Variants in TMEM132D observed in about 807,000 individuals in gnomAD.
TMEM132D encodes transmembrane protein 132D.
Under a neutral mutation model 62.3 loss-of-function variants are expected in TMEM132D, and 21 were observed. That is an observed-to-expected ratio of 0.34 (90% confidence interval 0.24 to 0.49). The LOEUF (loss-of-function observed/expected upper bound fraction) is 0.49. TMEM132D is among the 20% of genes least tolerant of loss of function. The pLI, the probability that TMEM132D is intolerant of heterozygous loss-of-function variation, is 0.99. For synonymous variants in TMEM132D, 621 were observed against 575.6 expected (o/e 1.08, Z -1.13); for missense variants, 1,346 against 1,402.8 (o/e 0.96, Z 0.65).
intron 3 of TMEM132D, among the ~76,000 whole-genome samples, chr12:129,444,408 A>G (rs1488231303): frequency 6.6e-6 from 1 of 152,176 alleles, no homozygotes; most frequent in Non-Finnish European, 1.5e-5. Flanking sequence ...AAACAAATTT[A>G]GAAGAAAAAC....
intron 5 of TMEM132D, among the ~76,000 whole-genome samples, chr12:129,102,510 GCA>G (rs1042564337): frequency 2.0e-5 from 3 of 147,460 alleles, no homozygotes; most frequent in South Asian, 2.2e-4. Flanking sequence ...GCATATGCAC[GCA>G]CACACGCACA....
chr12:129,250,597 TTAGA>T (rs1276217287), intron 4 of TMEM132D, among the ~76,000 whole-genome samples: 2 of 152,210 alleles, frequency 1.3e-5, no homozygotes, highest in Admixed American at 6.5e-5. Flanking sequence ...GTCCTTCCTC[TTAGA>T]TAGAACATCC....
chr12:129,795,677 C>G (rs959582746), intron 1 of TMEM132D, among the ~76,000 whole-genome samples: 1 of 152,062 alleles, frequency 6.6e-6, no homozygotes, highest in Admixed American at 6.5e-5. Context: ...CAGTTTTTCT[C>G]TCTTTACATC....
chr12:129,700,226 C>A lies in TMEM132D; in HGVS notation c.552G>T (p.Arg184=). The part of the protein sequence containing the change: ...RETREVRGSC[R]LQGDLGLCVA... ...CGCACAGCCCCAGGTCCCCCTGCAG[C>A]CGGCAGCTGCCCCGCACCTCTCGGG... The change falls in exon 2 of 9, where the codon CGG becomes CGT. Residue 184 remains arginine (R), a synonymous_variant. Coordinates refer to ENST00000422113, the MANE Select transcript of TMEM132D (RefSeq NM_133448.3). 1 of 1,612,866 alleles carries A rather than the reference C, an allele frequency of 6.2e-7. No individual in the cohort carries two copies. The highest frequency in any genetic ancestry group is 1.3e-5 in the African/African-American group (1 of 75,054).
At position 129,098,644 on chromosome 12, in the gene TMEM132D, G is replaced by A. The variant is rs138436777; in HGVS notation, c.1444-13942C>T. ...AGACTCTGGGAGGTGAACGTATGTG[G>A]TAGACTGCATTTTCCAAAGATGGCC... is the stretch of plus-strand genomic sequence containing the variant. On this transcript the variant is annotated intron_variant, in intron 5 of 8. Transcript: ENST00000422113. Among the ~76,000 whole-genome samples the A allele has an allele frequency of 2.0e-4, 31 of 152,236 alleles. No homozygotes were observed. In the East Asian group the frequency reaches 4.4e-3, roughly 22 times the overall value.
chr12:129,307,157 A>T (rs1881865497), intron 4 of TMEM132D, among the ~76,000 whole-genome samples: 1 of 151,780 alleles, frequency 6.6e-6, no homozygotes. Flanking sequence ...ACTTAGTGCT[A>T]CTAGTTCCAA....
chr12:129,765,535 C>T (rs1202913128), intron 1 of TMEM132D, among the ~76,000 whole-genome samples: 56 of 150,558 alleles, frequency 3.7e-4, no homozygotes, highest in African/African-American at 1.2e-3. Flanking sequence ...CATCGCATTC[C>T]AGCCTGGGCA....
At chr12:129,140,856 T>A (rs984827940) in intron 5 of TMEM132D, among the ~76,000 whole-genome samples, 12 of 137,882 alleles carry the variant, frequency 8.7e-5, no homozygotes, top group Middle Eastern at 7.4e-3. Flanking sequence ...AAAAAAAAAA[T>A]TTCTGTGATT....
intron 2 of TMEM132D, among the ~76,000 whole-genome samples, chr12:129,689,866 G>T (rs1226577144): frequency 1.3e-5 from 2 of 152,132 alleles, no homozygotes; most frequent in African/African-American, 4.8e-5. Flanking sequence ...ACAAGAAAAA[G>T]GAGGAAAAAC....
At chr12:129,711,362 C>A (rs1235745588) in intron 1 of TMEM132D, among the ~76,000 whole-genome samples, 2 of 152,148 alleles carry the variant, frequency 1.3e-5, no homozygotes, top group Non-Finnish European at 2.9e-5. Context: ...CTCTCCGCTC[C>A]CAGCAGCGCT....
intron 4 of TMEM132D, among the ~76,000 whole-genome samples, chr12:129,211,651 C>T (rs958640598): frequency 1.7e-4 from 26 of 152,108 alleles, no homozygotes; most frequent in Admixed American, 1.4e-3. Flanking sequence ...TGTAGCAATA[C>T]ATATATTATT....
At chr12:129,373,921 GTGGTGCTTAGTGCTT>G (rs1382136512) in intron 3 of TMEM132D, among the ~76,000 whole-genome samples, 2 of 152,150 alleles carry the variant, frequency 1.3e-5, no homozygotes, top group Non-Finnish European at 1.5e-5. Flanking sequence ...GAAAAGCTAC[GTGGTGCTTAGTGCTT>G]CTGGGAAGGC....
intron 1 of TMEM132D, among the ~76,000 whole-genome samples, chr12:129,838,372 C>T (rs1224857864): frequency 3.9e-5 from 6 of 152,312 alleles, no homozygotes; most frequent in Admixed American, 6.5e-5. Context: ...GAGAATGCAA[C>T]GGTTCCTTAT....
At chr12:129,832,657 G>A (rs539696369) in intron 1 of TMEM132D, among the ~76,000 whole-genome samples, 14 of 152,216 alleles carry the variant, frequency 9.2e-5, no homozygotes, top group African/African-American at 2.6e-4. Context: ...GCCTCTGCCC[G>A]GCAGGTGAAG....
At chr12:129,823,366 A>G (rs1453831060) in intron 1 of TMEM132D, among the ~76,000 whole-genome samples, 2 of 152,252 alleles carry the variant, frequency 1.3e-5, no homozygotes, top group African/African-American at 4.8e-5. Flanking sequence ...GAAATTCCAG[A>G]CTCCTAGAAG....
intron 1 of TMEM132D, among the ~76,000 whole-genome samples, chr12:129,845,104 G>T (rs1478248911): frequency 6.6e-6 from 1 of 152,176 alleles, no homozygotes; most frequent in Admixed American, 6.5e-5. Context: ...CAGAGAAACG[G>T]TGATTTTATT....
intron 5 of TMEM132D, among the ~76,000 whole-genome samples, chr12:129,201,981 A>G (rs1484702537): frequency 6.6e-6 from 1 of 151,432 alleles, no homozygotes; most frequent in Non-Finnish European, 1.5e-5. Context: ...AAACATCTGA[A>G]ATGCTTTCAC....
intron 3 of TMEM132D, among the ~76,000 whole-genome samples, chr12:129,492,250 A>G (rs1245359582): frequency 1.3e-5 from 2 of 152,218 alleles, no homozygotes; most frequent in Non-Finnish European, 2.9e-5. Context: ...GTACTTGGAA[A>G]CTGACTGACT....
At chr12:129,874,978 G>T (rs10732584) in intron 1 of TMEM132D, among the ~76,000 whole-genome samples, 150,477 of 152,364 alleles carry the variant, frequency 0.99, 74,339 homozygotes, top group East Asian at 1. Flanking sequence ...TGCCCGGGCT[G>T]CACATTATTT....
Sources: allele counts gnomAD v4.1 joint callset (sites outside exome capture counted in the v4.1 genomes callset), GRCh38; gene constraint gnomAD v4.1.1; transcripts MANE v1.5; gene names NCBI Gene and HGNC (gene_info 2026-07-23, HGNC 2026-07-21).